The following L2HGDH variants were observed in gnomAD, a reference collection of about 807,000 sequenced individuals.
L2HGDH encodes L-2-hydroxyglutarate dehydrogenase, mitochondrial.
L2HGDH carries 34 observed loss-of-function variants against 51.5 expected under a neutral mutation model. The observed-to-expected ratio is 0.66, with a 90% CI of 0.50 to 0.88. The LOEUF (loss-of-function observed/expected upper bound fraction) is 0.88. Ranked by LOEUF, L2HGDH falls within the 40% of genes least tolerant of loss-of-function variation. The pLI is 0.00. For synonymous variants in L2HGDH, 198 were observed against 197.9 expected (o/e 1.00, Z -0.01); for missense variants, 558 against 571.9 (o/e 0.98, Z 0.25).
chr14:50,251,850 C>T (rs1888369634), intron 9 of L2HGDH, among the ~76,000 whole-genome samples: 2 of 151,836 alleles, frequency 1.3e-5, no homozygotes. Flanking sequence ...TAGATATGTC[C>T]TACAAGAAAT....
chr14:50,285,677 T>C (rs559232788), intron 4 of L2HGDH, among the ~76,000 whole-genome samples: 5 of 152,334 alleles, frequency 3.3e-5, no homozygotes, highest in African/African-American at 1.2e-4. Context: ...TCTCAATCAA[T>C]AGTTTTTTGC....
At chr14:50,291,197 C>CAAA (rs1159640500) in intron 4 of L2HGDH, among the ~76,000 whole-genome samples, 44 of 30,630 alleles carry the variant, frequency 1.4e-3, no homozygotes, top group South Asian at 3.1e-3. Context: ...GACTCCGTCT[C>CAAA]AAAAAAAAAA....
At chr14:50,293,045 G>A (rs1214435968) in intron 4 of L2HGDH, among the ~76,000 whole-genome samples, 2 of 152,054 alleles carry the variant, frequency 1.3e-5, no homozygotes, top group African/African-American at 4.8e-5. Context: ...TTTAAAATTA[G>A]CTGGTCATGG....
chr14:50,262,520 AT>A (rs1009017695), intron 9 of L2HGDH, among the ~76,000 whole-genome samples: 4 of 151,534 alleles, frequency 2.6e-5, no homozygotes, highest in African/African-American at 9.7e-5. Context: ...ATGAATACCC[AT>A]TTTTTTATCT....
At chr14:50,257,693 A>G (rs914478330) in intron 9 of L2HGDH, among the ~76,000 whole-genome samples, 1 of 151,470 alleles carries the variant, frequency 6.6e-6, no homozygotes, top group Non-Finnish European at 1.5e-5. Context: ...TTTAAAAACT[A>G]TATTTTTATT....
intron 1 of L2HGDH, among the ~76,000 whole-genome samples, chr14:50,309,843 T>C (rs1349915068): frequency 6.6e-6 from 1 of 151,970 alleles, no homozygotes; most frequent in African/African-American, 2.4e-5. Context: ...CCACCACACC[T>C]GGCTAATTAT....
intron 9 of L2HGDH, 39 bp from the exon 10 acceptor site, chr14:50,247,292 C>A: frequency 6.2e-7 from 1 of 1,600,126 alleles, no homozygotes; most frequent in Non-Finnish European, 8.5e-7. Context: ...GACTCAAAGA[C>A]ATAGGATACT....
chr14:50,306,260 A>C (rs976958752), intron 1 of L2HGDH, among the ~76,000 whole-genome samples: 1 of 152,032 alleles, frequency 6.6e-6, no homozygotes, highest in Non-Finnish European at 1.5e-5. Context: ...CATGTTGGCC[A>C]GGATGGTCTC....
intron 6 of L2HGDH, among the ~76,000 whole-genome samples, chr14:50,278,012 G>A (rs900867676): frequency 6.6e-6 from 1 of 151,948 alleles, no homozygotes; most frequent in Non-Finnish European, 1.5e-5. Flanking sequence ...ATTGTGTAAG[G>A]TCTTATTCCT....
At chr14:50,298,001 C>T (rs1233075446) in intron 3 of L2HGDH, among the ~76,000 whole-genome samples, 3 of 151,924 alleles carry the variant, frequency 2.0e-5, no homozygotes, top group Admixed American at 6.6e-5. Flanking sequence ...GCCTGTAATC[C>T]CAGCAATTTG....
intron 3 of L2HGDH, among the ~76,000 whole-genome samples, chr14:50,301,639 T>C (rs1236983734): frequency 6.6e-6 from 1 of 152,138 alleles, no homozygotes; most frequent in East Asian, 1.9e-4. Context: ...AGACAGAAAG[T>C]ATACTAGTGG....
At chr14:50,307,271 C>T (rs2030787696) in intron 1 of L2HGDH, among the ~76,000 whole-genome samples, 1 of 152,234 alleles carries the variant, frequency 6.6e-6, no homozygotes, top group African/African-American at 2.4e-5. Flanking sequence ...AAACATAAAA[C>T]TATCATACTG....
chr14:50,306,859 A>G (rs1369539878), intron 1 of L2HGDH, among the ~76,000 whole-genome samples: 1 of 152,120 alleles, frequency 6.6e-6, no homozygotes, highest in African/African-American at 2.4e-5. Flanking sequence ...TCTATTGCCT[A>G]GGTTGGAGTG....
chr14:50,312,144 G>T lies in L2HGDH; in HGVS notation c.7C>A (p.Pro3Thr). 6.2e-7 allele frequency: 1 copy of T among 1,610,162 alleles called. No homozygotes were observed. Among genetic ancestry groups the T allele is most frequent in the African/African-American group, 1.3e-5 (1 of 75,024 alleles). The part of the protein sequence containing the change: MV[P>T]ALRYLVGACG... ...GCACCAACCAAATAACGCAGCGCTG[G>T]CACCATCCCCTACGCACGCTCCCCT... Residue 3 changes from proline (P) to threonine (T), a missense_variant, in exon 1 of 10, where the codon CCA (proline) becomes ACA (threonine). Pro to Thr is a conservative substitution (Grantham distance 38, BLOSUM62 -1). Coordinates refer to ENST00000267436, the MANE Select transcript of L2HGDH (RefSeq NM_024884.3).
At chr14:50,304,801 CT>C (rs1323222701) in intron 1 of L2HGDH, among the ~76,000 whole-genome samples, 1 of 152,144 alleles carries the variant, frequency 6.6e-6, no homozygotes, top group Non-Finnish European at 1.5e-5. Context: ...CACCACTGCA[CT>C]CCAGCCTGGG....
chr14:50,249,882 CTTTTTTTTTTTTTTTTT>C (rs747924080), intron 9 of L2HGDH, among the ~76,000 whole-genome samples: 34 of 68,954 alleles, frequency 4.9e-4, no homozygotes, highest in South Asian at 2.2e-3. Flanking sequence ...GCTTACACTC[CTTTTTTTTTTTTTTTTT>C]TTTTTTTTTT....
Position 50,246,975 on chromosome 14 carries a change from C to A in L2HGDH, c.*83G>T. ...GACCTAAAAACTAAAGTTTAAAAAC[C>A]ATTTTTTAAATTAAAGAATGCAATT... On this transcript the variant is annotated 3_prime_UTR_variant, in exon 10 of 10. Coordinates refer to ENST00000267436, the MANE Select transcript of L2HGDH (RefSeq NM_024884.3). The A allele has an allele frequency of 6.7e-7, 1 of 1,503,628 alleles. No homozygotes were observed. The highest frequency in any genetic ancestry group is 9.0e-7 in the Non-Finnish European group (1 of 1,112,312). 93.1% of individuals were successfully genotyped at this position (1,503,628 alleles called of 1,614,324 possible).
At chr14:50,272,791 A>G (rs1233464677) in intron 6 of L2HGDH, among the ~76,000 whole-genome samples, 1 of 152,174 alleles carries the variant, frequency 6.6e-6, no homozygotes, top group African/African-American at 2.4e-5. Flanking sequence ...TCAAATTCCC[A>G]TGGCCCCTAC....
chr14:50,271,966 C>A (rs1889719960), intron 6 of L2HGDH, among the ~76,000 whole-genome samples: 1 of 152,086 alleles, frequency 6.6e-6, no homozygotes, highest in South Asian at 2.1e-4. Context: ...CATGGTGAAA[C>A]CCTGTCTCTA....
Sources: allele counts gnomAD v4.1 joint callset (sites outside exome capture counted in the v4.1 genomes callset), GRCh38; gene constraint gnomAD v4.1.1; transcripts MANE v1.5; gene names NCBI Gene and HGNC (gene_info 2026-07-23, HGNC 2026-07-21).